TRAK1: variants seen among roughly 807,000 people sequenced by gnomAD.
TRAK1 encodes trafficking kinesin-binding protein 1.
TRAK1 carries 33 observed loss-of-function variants against 92.1 expected under a neutral mutation model. The observed-to-expected ratio is 0.36, with a 90% CI of 0.27 to 0.48. The LOEUF is 0.48. TRAK1 is among the 20% of genes least tolerant of loss of function. TRAK1 has a pLI of 0.99. For synonymous variants in TRAK1, 521 were observed against 517.3 expected (o/e 1.01, Z -0.10); for missense variants, 1,123 against 1,257.9 (o/e 0.89, Z 1.62).
At chr3:42,217,889 T>C (rs896914501) in intron 14 of TRAK1, 14 of 985,300 alleles carry the variant, frequency 1.4e-5, no homozygotes, top group Admixed American at 1.2e-4. Context: ...TTCTTACTTA[T>C]TGGAGTTCCT....
At chr3:42,050,803 C>G (rs1463338123) in intron 1 of TRAK1, among the ~76,000 whole-genome samples, 1 of 151,920 alleles carries the variant, frequency 6.6e-6, no homozygotes, top group East Asian at 1.9e-4. Flanking sequence ...GATTACAGGC[C>G]TGTGCCACCG....
chr3:42,196,977 T>TTCTCTCTCTCTCTC (rs1324789083), intron 10 of TRAK1, among the ~76,000 whole-genome samples: 1 of 62,404 alleles, frequency 1.6e-5, no homozygotes, highest in Non-Finnish European at 3.5e-5. Context: ...CTCTCTCTCT[T>TTCTCTCTCTCTCTC]TCTCTTTCTC....
intron 13 of TRAK1, among the ~76,000 whole-genome samples, chr3:42,206,055 T>C (rs771422865): frequency 8.5e-5 from 13 of 152,240 alleles, no homozygotes; most frequent in Non-Finnish European, 1.5e-5. Flanking sequence ...GAAGCCAGGC[T>C]GGGGAATGAG....
chr3:42,180,312 A>G (rs972867970), intron 3 of TRAK1, among the ~76,000 whole-genome samples: 2 of 152,176 alleles, frequency 1.3e-5, no homozygotes, highest in African/African-American at 4.8e-5. Flanking sequence ...ATAAAGGCAT[A>G]TGCTGCATAA....
At position 42,223,713 on chromosome 3, in the gene TRAK1, C is replaced by T. The variant is rs768450842; in HGVS notation, c.2838C>T (p.Leu946=). ...CGGGCATCTTGATGGGTGCTAAGCT[C>T]TCCAAACAAACTAGCTTACGGTGAG... is the stretch of plus-strand genomic sequence containing the variant. The part of the protein sequence containing the change: ...LTSGILMGAK[L]SKQTSLR The change falls in exon 16 of 16, where the codon CTC becomes CTT. Residue 946 remains leucine (L), a synonymous_variant. Transcript: ENST00000327628. This position sits in a 1 kb window ranked among gnomAD's most constrained non-coding sequence, Gnocchi z 6.1. 6.2e-6 allele frequency: 10 copies of T among 1,606,934 alleles called. No individual in the cohort carries two copies. Among genetic ancestry groups the T allele is most frequent in the African/African-American group, 1.3e-5 (1 of 74,756 alleles).
chr3:42,152,030 T>C (rs773401286), intron 2 of TRAK1, among the ~76,000 whole-genome samples: 12 of 152,230 alleles, frequency 7.9e-5, no homozygotes, highest in Non-Finnish European at 1.6e-4. Flanking sequence ...GGAATATAGA[T>C]TGCAGGCCAA....
At chr3:42,134,587 T>TA (rs1446981113) in intron 2 of TRAK1, among the ~76,000 whole-genome samples, 2 of 123,018 alleles carry the variant, frequency 1.6e-5, no homozygotes, top group African/African-American at 7.3e-5. Context: ...TCTTTTTTTT[T>TA]TTTTTTTTTT....
chr3:42,208,585 GCTT>G (rs1708606143), intron 13 of TRAK1, among the ~76,000 whole-genome samples: 1 of 152,168 alleles, frequency 6.6e-6, no homozygotes, highest in African/African-American at 2.4e-5. Context: ...ATCCTGGAGG[GCTT>G]CTTGCCTACC....
chr3:42,150,640 G>T lies in TRAK1; in HGVS notation c.286+25026G>T, dbSNP rs575256033. 5.3e-5 allele frequency among the ~76,000 whole-genome samples: 8 copies of T among 152,216 alleles called. No individual in the cohort carries two copies. In the East Asian group the frequency reaches 1.4e-3, roughly 26 times the overall value. ...TAACCTGAATGATGTAACAGGCTGG[G>T]ACCTGGCCTAGTTAGTAAACTGAAA... On this transcript the variant is annotated intron_variant, in intron 2 of 15. Coordinates refer to ENST00000327628, the MANE Select transcript of TRAK1 (RefSeq NM_001042646.3).
At chr3:42,174,040 C>G (rs757686049) in intron 2 of TRAK1, among the ~76,000 whole-genome samples, 1 of 152,064 alleles carries the variant, frequency 6.6e-6, no homozygotes, top group Non-Finnish European at 1.5e-5. Context: ...ATAAAATAAT[C>G]CATATAGAGG....
intron 2 of TRAK1, among the ~76,000 whole-genome samples, chr3:42,129,305 G>A (rs867386380): frequency 3.3e-5 from 5 of 152,134 alleles, no homozygotes; most frequent in Non-Finnish European, 5.9e-5. Context: ...GGTTGTGGGC[G>A]GGCATGGGGA....
intron 1 of TRAK1, among the ~76,000 whole-genome samples, chr3:42,030,761 G>A: frequency 7.2e-6 from 1 of 139,534 alleles, no homozygotes; most frequent in African/African-American, 2.8e-5. Flanking sequence ...TGGTCAGGCA[G>A]TTAGTAGGGA....
At chr3:42,084,105 A>C (rs1704557627), upstream of TRAK1, among the ~76,000 whole-genome samples, 1 of 151,958 alleles carries the variant, frequency 6.6e-6, no homozygotes, top group African/African-American at 2.4e-5. Flanking sequence ...GTAAGTCTTC[A>C]CCTCTAGAAA....
At chr3:42,125,007 A>G (rs147237654) in intron 1 of TRAK1, among the ~76,000 whole-genome samples, 2 of 152,318 alleles carry the variant, frequency 1.3e-5, no homozygotes, top group Non-Finnish European at 2.9e-5. Context: ...AAAATTCTAG[A>G]TAGGAGGATA....
chr3:42,016,765 C>CT (rs961167926), intron 1 of TRAK1, among the ~76,000 whole-genome samples: 12 of 152,126 alleles, frequency 7.9e-5, no homozygotes, highest in African/African-American at 2.7e-4. Flanking sequence ...AGGGACAGTT[C>CT]TTTTTTTACC....
chr3:42,176,909 G>T lies in TRAK1; in HGVS notation c.363+19G>T, dbSNP rs760944065. On this transcript the variant is annotated intron_variant, in intron 3 of 15. Transcript: ENST00000327628. ...TGAGGAGGTAAGTGCTCCAGGGGAA[G>T]GCAAAAGAGTTGTTTATAATTGACT... 3.1e-6 allele frequency: 5 copies of T among 1,610,926 alleles called. No individual in the cohort carries two copies. The Admixed American group carries it at 8.3e-5, about 27-fold the overall frequency.
intron 2 of TRAK1, among the ~76,000 whole-genome samples, chr3:42,158,543 G>A (rs1302353101): frequency 4.7e-5 from 7 of 149,068 alleles, no homozygotes; most frequent in Non-Finnish European, 1.0e-4. Context: ...AAAATGGAAT[G>A]TTGAACTCCC....
At chr3:42,102,700 TGCATGCGGGCCCCTAGTCTGA>T (rs1706962800) in intron 1 of TRAK1, among the ~76,000 whole-genome samples, 1 of 152,238 alleles carries the variant, frequency 6.6e-6, no homozygotes, top group Admixed American at 6.5e-5. Flanking sequence ...CCTTCCAGTG[TGCATGCGGGCCCCTAGTCTGA>T]GCCATTCCAC....
intron 1 of TRAK1, among the ~76,000 whole-genome samples, chr3:42,112,617 CCCAGCTACTT>C (rs1216662527): frequency 6.7e-6 from 1 of 149,316 alleles, no homozygotes; most frequent in African/African-American, 2.5e-5. Context: ...TACCTGTAAT[CCCAGCTACTT>C]GGGAAGCTGA....
Sources: allele counts gnomAD v4.1 joint callset (sites outside exome capture counted in the v4.1 genomes callset), GRCh38; gene constraint gnomAD v4.1.1; non-coding constraint Gnocchi (gnomAD v3.1); transcripts MANE v1.5; gene names NCBI Gene and HGNC (gene_info 2026-07-23, HGNC 2026-07-21).